The following AAMP variants were observed in gnomAD, a reference collection of about 807,000 sequenced individuals.
AAMP encodes angio associated migratory cell protein, also known as angio-associated migratory cell protein.
A neutral mutation model predicts 51.1 loss-of-function variants in AAMP; 12 were observed. That is an observed-to-expected ratio of 0.23 (90% CI 0.15 to 0.38). The LOEUF is 0.38. Among genes scored for constraint, AAMP ranks in the 10% least tolerant of loss-of-function variants. AAMP has a pLI of 1.00. For missense variants in AAMP, 418 were observed against 557.2 expected, an observed-to-expected ratio of 0.75 and a Z score of 2.52; for synonymous variants, 210 against 218.7, an observed-to-expected ratio of 0.96 and a Z score of 0.35.
In AAMP at chr2:218,265,746, T is replaced by G. The variant is rs962373512; in HGVS notation, c.880-64A>C. 10 of 1,577,646 alleles carry G rather than the reference T, an allele frequency of 6.3e-6. No individual in the cohort carries two copies. The African/African-American group carries it at 1.2e-4, about 19-fold the overall frequency. On this transcript the variant is annotated intron_variant, in intron 7 of 10. Coordinates refer to ENST00000248450, the MANE Select transcript of AAMP (RefSeq NM_001087.5). This position sits in a 1 kb window ranked among gnomAD's most constrained non-coding sequence, Gnocchi z 6.6. ...GGGTGCTTGATGGAGAGAAAGACGGTGGGGAGAGGAGACAGTGAAGACCCA... is the reference window on the plus strand; with the variant it reads ...GGGTGCTTGATGGAGAGAAAGACGGGGGGGAGAGGAGACAGTGAAGACCCA...
chr2:218,267,157 A>T lies in AAMP; in HGVS notation c.395-171T>A, dbSNP rs1439153265. Among the ~76,000 whole-genome samples, 2 of 152,074 alleles carry T rather than the reference A, an allele frequency of 1.3e-5. No homozygotes were observed. Among genetic ancestry groups the T allele is most frequent in the Non-Finnish European group, 2.9e-5 (2 of 68,006 alleles). ...CACCACTCTAGGAACCAATACTCCC[A>T]TGTCTGCTGGGAGACACTGCTGGCC... On this transcript the variant is annotated intron_variant, in intron 3 of 10. Transcript: ENST00000248450. This position sits in a 1 kb window ranked among gnomAD's most constrained non-coding sequence, Gnocchi z 4.6.
At chr2:218,268,632 G>A (rs556531046) in intron 2 of AAMP, among the ~76,000 whole-genome samples, 22 of 150,902 alleles carry the variant, frequency 1.5e-4, no homozygotes, top group African/African-American at 4.9e-4. Flanking sequence ...ATGAGCCACC[G>A]CACCTGGCCA....
intron 1 of AAMP, 78 bp from the exon 2 acceptor site, chr2:218,269,612 GC>G: frequency 6.2e-7 from 1 of 1,608,246 alleles, no homozygotes; most frequent in Non-Finnish European, 8.5e-7. Flanking sequence ...GAGGCCTGAG[GC>G]TGGGGCGGGT....
At position 218,266,817 on chromosome 2, in the gene AAMP, C is replaced by G. The variant is rs376062808; in HGVS notation, c.534+30G>C. On this transcript the variant is annotated intron_variant, in intron 4 of 10. Coordinates refer to ENST00000248450, the MANE Select transcript of AAMP (RefSeq NM_001087.5). The surrounding 1 kb of genome is among the most constrained non-coding windows in gnomAD (Gnocchi z 4.7). Reference sequence around the variant, plus strand: ...GCACCCCCAACAACCCAAGGCCCCACAGAGCTGACTCCCGCTCTGATGATC... The same window carrying G: ...GCACCCCCAACAACCCAAGGCCCCAGAGAGCTGACTCCCGCTCTGATGATC... 3.1e-6 allele frequency: 5 copies of G among 1,612,624 alleles called. No homozygotes were observed. The highest frequency in any genetic ancestry group is 3.3e-5 in the Admixed American group (2 of 59,988).
rs1690627010 is a variant in AAMP, at chr2:218,266,311, CAGG to C, written c.679+129_679+131del. On this transcript the variant is annotated intron_variant, in intron 5 of 10. Transcript: ENST00000248450. This position sits in a 1 kb window ranked among gnomAD's most constrained non-coding sequence, Gnocchi z 4.7. ...AGGAGGCGCTGTGAACTTTGGGGCC[CAGG>C]AGGTCAGCACTGCAAACAGCAGGCC... 7.1e-7 allele frequency: 1 copy of C among 1,400,656 alleles called. No homozygotes were observed. Among genetic ancestry groups the C allele is most frequent in the South Asian group, 1.3e-5 (1 of 76,052 alleles). 86.8% of individuals were successfully genotyped at this position (1,400,656 alleles called of 1,614,324 possible).
At position 218,265,050 on chromosome 2, in the gene AAMP, G is replaced by A. The variant is rs370095659; in HGVS notation, c.1199C>T (p.Thr400Met). The A allele has an allele frequency of 1.2e-5, 19 of 1,613,898 alleles. No homozygotes were observed. The highest frequency in any genetic ancestry group is 1.0e-4 in the Admixed American group (6 of 60,028). The change falls in exon 10 of 11, where the codon ACG (threonine) becomes ATG (methionine). Residue 400 changes from threonine to methionine, a missense_variant. Coordinates refer to ENST00000248450, the MANE Select transcript of AAMP (RefSeq NM_001087.5). This position sits in a 1 kb window ranked among gnomAD's most constrained non-coding sequence, Gnocchi z 6.6. ...GAGGGCAAAGTCCAGGATCTCAGCC[G>A]TGTGGCCCCGGTAGTCAGTAAGCAG... is the stretch of plus-strand genomic sequence containing the variant. ...GRLLTDYRGH[T>M]AEILDFALSK...
In AAMP at chr2:218,269,123, A is replaced by G. The variant is rs138669545; in HGVS notation, c.274+259T>C. ...GCTGGGATTTCAGGAGTGAGCCACC[A>G]CGCCCGGCCAAAGATAACTTTTTAA... is the stretch of plus-strand genomic sequence containing the variant. On this transcript the variant is annotated intron_variant, in intron 2 of 10. Coordinates refer to ENST00000248450, the MANE Select transcript of AAMP (RefSeq NM_001087.5). Among the ~76,000 whole-genome samples the G allele has an allele frequency of 5.5e-3, 843 of 152,364 alleles. 9 individuals carry two copies. Among genetic ancestry groups the G allele is most frequent in the African/African-American group, 0.018 (748 of 41,596 alleles).
chr2:218,270,051 G>A lies in AAMP; in HGVS notation c.36C>T (p.Asp12=), dbSNP rs1452984465. 6.2e-7 allele frequency: 1 copy of A among 1,614,140 alleles called. No individual in the cohort carries two copies. The highest frequency in any genetic ancestry group is 8.5e-7 in the Non-Finnish European group (1 of 1,180,016). ...ESESESGAAA[D]TPPLETLSFH... is the part of the protein sequence containing the mutation. Reference sequence around the variant, plus strand: ...AGCTTAGGGTCTCCAGTGGGGGGGTGTCAGCAGCAGCCCCGCTTTCCGATT... The same window carrying A: ...AGCTTAGGGTCTCCAGTGGGGGGGTATCAGCAGCAGCCCCGCTTTCCGATT... The change falls in exon 1 of 11, where the codon GAC becomes GAT. Residue 12 remains aspartate, a synonymous_variant. Transcript: ENST00000248450.
At position 218,267,043 on chromosome 2, in the gene AAMP, G is replaced by A. The variant is rs1454378189; in HGVS notation, c.395-57C>T. 1.3e-6 allele frequency: 2 copies of A among 1,597,826 alleles called. No individual in the cohort carries two copies. Among genetic ancestry groups the A allele is most frequent in the South Asian group, 1.1e-5 (1 of 90,092 alleles). On this transcript the variant is annotated intron_variant, in intron 3 of 10. Coordinates refer to ENST00000248450, the MANE Select transcript of AAMP (RefSeq NM_001087.5). This position sits in a 1 kb window ranked among gnomAD's most constrained non-coding sequence, Gnocchi z 4.6. ...AAAAAATAGGGTACCTGGTGCTGGG[G>A]GCATGTGATTCTGGTATCTGGCCCA...
In AAMP at chr2:218,265,522, C is replaced by T. The variant is rs535382497; in HGVS notation, c.983+57G>A. On this transcript the variant is annotated intron_variant, in intron 8 of 10. Coordinates refer to ENST00000248450, the MANE Select transcript of AAMP (RefSeq NM_001087.5). This position sits in a 1 kb window ranked among gnomAD's most constrained non-coding sequence, Gnocchi z 6.6. ...GCCTGGACTCACACGCCCTGCCGTC[C>T]TCCCGGGCCCCCAGCCCAGGCCCCT... The T allele has an allele frequency of 3.5e-4, 548 of 1,585,626 alleles. No individual in the cohort carries two copies. Among genetic ancestry groups the T allele is most frequent in the Non-Finnish European group, 4.4e-4 (509 of 1,155,502 alleles).
intron 1 of AAMP, 157 bp downstream of exon 1, chr2:218,269,809 C>A: frequency 7.9e-7 from 1 of 1,258,962 alleles, no homozygotes; most frequent in Non-Finnish European, 1.1e-6. Context: ...CCAGCCAGGC[C>A]TGAGAACTAA....
chr2:218,266,702 G>A lies in AAMP; in HGVS notation c.535-115C>T. On this transcript the variant is annotated intron_variant, in intron 4 of 10. Transcript: ENST00000248450. The surrounding 1 kb of genome is among the most constrained non-coding windows in gnomAD (Gnocchi z 4.7). ...TCTGGGGTTCCGCGGGGACTTTCCA[G>A]GTAGCAGGTAGATATTCTTCCTGTG... The A allele has an allele frequency of 1.3e-6, 2 of 1,548,404 alleles. No individual in the cohort carries two copies. The highest frequency in any genetic ancestry group is 1.8e-6 in the Non-Finnish European group (2 of 1,141,366).
At position 218,267,221 on chromosome 2, in the gene AAMP, C is replaced by A. The variant is rs1328290755; in HGVS notation, c.395-235G>T. Among the ~76,000 whole-genome samples, 1 of 152,160 alleles carries A rather than the reference C, an allele frequency of 6.6e-6. No individual in the cohort carries two copies. Reference sequence around the variant, plus strand: ...ACCAAGTCCCAGCCTCCTATGCCTTCCCCCTTCTGTCCACTCTACACCTCT... The same window carrying A: ...ACCAAGTCCCAGCCTCCTATGCCTTACCCCTTCTGTCCACTCTACACCTCT... On this transcript the variant is annotated intron_variant, in intron 3 of 10. Coordinates refer to ENST00000248450, the MANE Select transcript of AAMP (RefSeq NM_001087.5). This position sits in a 1 kb window ranked among gnomAD's most constrained non-coding sequence, Gnocchi z 4.6.
chr2:218,269,678 C>T, intron 1 of AAMP, 144 bp from the exon 2 acceptor site: 13 of 1,405,444 alleles, frequency 9.2e-6, no homozygotes, highest in Non-Finnish European at 1.3e-5. Context: ...CGGGGGCGCG[C>T]GGGACACAGG....
rs1079204 is a variant in AAMP at position 218,265,791 on chromosome 2, G to A, written c.879+40C>T. ...GACCCAGGAAGGAAGGAGAGGAGTC[G>A]GGAAAGCGGAGGCCCCAGCCGGGCT... On this transcript the variant is annotated intron_variant, in intron 7 of 10. Transcript: ENST00000248450. The surrounding 1 kb of genome is among the most constrained non-coding windows in gnomAD (Gnocchi z 6.6). The A allele has an allele frequency of 0.03, 47,093 of 1,589,694 alleles. 812 individuals carry two copies. The highest frequency in any genetic ancestry group is 0.04 in the Middle Eastern group (242 of 6,014).
rs774905011 is a variant in AAMP, at chr2:218,265,539, C to T, written c.983+40G>A. ...CTGCCGTCCTCCCGGGCCCCCAGCC[C>T]AGGCCCCTCCCACAAACCCCTTTCC... On this transcript the variant is annotated intron_variant, in intron 8 of 10. Transcript: ENST00000248450. This position sits in a 1 kb window ranked among gnomAD's most constrained non-coding sequence, Gnocchi z 6.6. The T allele has an allele frequency of 1.4e-5, 23 of 1,600,422 alleles. No homozygotes were observed. The African/African-American group carries it at 2.5e-4, about 18-fold the overall frequency.
In AAMP at chr2:218,267,378, TG is replaced by T; in HGVS notation, c.394+115del. 2.7e-6 allele frequency: 4 copies of T among 1,471,374 alleles called. No individual in the cohort carries two copies. Among genetic ancestry groups the T allele is most frequent in the Non-Finnish European group, 3.7e-6 (4 of 1,073,632 alleles). The allele number at this position is 1,471,374 out of a possible 1,614,324, so 91.1% of individuals were successfully genotyped here. On this transcript the variant is annotated intron_variant, in intron 3 of 10. Coordinates refer to ENST00000248450, the MANE Select transcript of AAMP (RefSeq NM_001087.5). This position sits in a 1 kb window ranked among gnomAD's most constrained non-coding sequence, Gnocchi z 4.6. ...GTGTCCCTGGGGCCCAGCACAGAGC[TG>T]GCACAAAAGAGATGTCACTAAGTGG...
rs975435721 is a variant in AAMP, at chr2:218,270,047, G to A, written c.40C>T (p.Pro14Ser). Residue 14 changes from proline (P) to serine (S), a missense_variant, in exon 1 of 11, where the codon CCC (proline) becomes TCC (serine). Coordinates refer to ENST00000248450, the MANE Select transcript of AAMP (RefSeq NM_001087.5). ...TGGAAGCTTAGGGTCTCCAGTGGGG[G>A]GGTGTCAGCAGCAGCCCCGCTTTCC... ...ESESGAAADT[P>S]PLETLSFHGD... The A allele has an allele frequency of 6.2e-7, 1 of 1,614,026 alleles. No homozygotes were observed. The highest frequency in any genetic ancestry group is 8.5e-7 in the Non-Finnish European group (1 of 1,180,018).
rs992939849 is a variant in AAMP at position 218,267,753 on chromosome 2, C to T, written c.275-140G>A. 1.7e-5 allele frequency: 18 copies of T among 1,090,444 alleles called. No homozygotes were observed. Among genetic ancestry groups the T allele is most frequent in the Non-Finnish European group, 2.1e-5 (16 of 760,934 alleles). The allele number at this position is 1,090,444 out of a possible 1,614,324, so 67.5% of individuals were successfully genotyped here. A position where few individuals can be genotyped will look rare whatever the true frequency, so the allele number is the denominator to read the frequency against. On this transcript the variant is annotated intron_variant, in intron 2 of 10. Transcript: ENST00000248450. This position sits in a 1 kb window ranked among gnomAD's most constrained non-coding sequence, Gnocchi z 4.6. ...AAAACACAGGTACATCCAAGTTCTT[C>T]TAAGTTTCAAGAATTGGGTTGTTAG...
Sources: gnomAD v4.1 joint callset for allele counts (sites outside exome capture counted in the v4.1 genomes callset) on GRCh38, gnomAD v4.1.1 for gene constraint, Gnocchi (gnomAD v3.1) non-coding constraint, MANE v1.5 for transcripts, NCBI Gene and HGNC (gene_info 2026-07-23, HGNC 2026-07-21) for gene names.